Variants in DCC observed in about 807,000 individuals in gnomAD.
The protein encoded by DCC is netrin receptor DCC.
In DCC, 58 loss-of-function variants were observed where a neutral mutation model predicts 172.5. The ratio of observed to expected loss-of-function variants is 0.34; its 90% CI spans 0.27 to 0.42. DCC has a LOEUF of 0.42. Among genes scored for constraint, DCC ranks in the 10% least tolerant of loss-of-function variants. DCC has a pLI of 1.00. For synonymous variants in DCC, 709 were observed against 644.5 expected, an observed-to-expected ratio of 1.10 and a Z score of -1.52; for missense variants, 1,740 against 1,791.0, an observed-to-expected ratio of 0.97 and a Z score of 0.51.
At chr18:52,694,579 C>A (rs1309019458) in intron 1 of DCC, among the ~76,000 whole-genome samples, 1 of 151,282 alleles carries the variant, frequency 6.6e-6, no homozygotes, top group African/African-American at 2.5e-5. Flanking sequence ...TAAAATGCTT[C>A]TTTTTACATA....
intron 5 of DCC, among the ~76,000 whole-genome samples, chr18:53,044,905 G>C (rs2042215892): frequency 1.3e-5 from 2 of 151,766 alleles, no homozygotes; most frequent in Non-Finnish European, 2.9e-5. Flanking sequence ...ATAGAATATA[G>C]ATGTTTATAG....
intron 2 of DCC, among the ~76,000 whole-genome samples, chr18:52,876,585 G>A (rs1354508517): frequency 6.6e-6 from 1 of 152,184 alleles, no homozygotes; most frequent in East Asian, 1.9e-4. Flanking sequence ...CATATTATGG[G>A]CCCATAATGT....
chr18:52,584,649 C>T (rs779657729), intron 1 of DCC, among the ~76,000 whole-genome samples: 3 of 152,152 alleles, frequency 2.0e-5, no homozygotes, highest in Non-Finnish European at 2.9e-5. Flanking sequence ...GATACATCTG[C>T]CTCAGCCTCC....
rs142308537 is a variant in DCC at position 52,576,601 on chromosome 18, G to A, written c.92-175453G>A. ...TCCCAGCAGTTTGGGAGGCCGAGGC[G>A]TGTGGATCACGAGGTCAGGAGATCG... On this transcript the variant is annotated intron_variant, in intron 1 of 28. Transcript: ENST00000442544. Among the ~76,000 whole-genome samples, 569 of 152,196 alleles carry A rather than the reference G, an allele frequency of 3.7e-3. 6 individuals are homozygous for A. Among genetic ancestry groups the A allele is most frequent in the African/African-American group, 0.013 (549 of 41,528 alleles).
At chr18:52,888,034 TGA>T (rs1437619048) in intron 2 of DCC, among the ~76,000 whole-genome samples, 1 of 152,222 alleles carries the variant, frequency 6.6e-6, no homozygotes, top group African/African-American at 2.4e-5. Flanking sequence ...ATAAATGAAG[TGA>T]GTCTCTTTAT....
intron 1 of DCC, among the ~76,000 whole-genome samples, chr18:52,733,019 CCT>C (rs768819898): frequency 3.6e-4 from 55 of 152,148 alleles, no homozygotes; most frequent in Middle Eastern, 3.4e-3. Context: ...GTAAATGTCC[CCT>C]GTTTGTAGCT....
At chr18:52,812,195 G>A (rs1042640258) in intron 2 of DCC, among the ~76,000 whole-genome samples, 4 of 152,088 alleles carry the variant, frequency 2.6e-5, no homozygotes, top group African/African-American at 9.7e-5. Context: ...ACAAAATATA[G>A]CATTTATAAT....
At chr18:52,449,220 A>G (rs548046951) in intron 1 of DCC, among the ~76,000 whole-genome samples, 1 of 152,348 alleles carries the variant, frequency 6.6e-6, no homozygotes, top group South Asian at 2.1e-4. Flanking sequence ...CCATGATTCA[A>G]TTACCTCCCA....
intron 1 of DCC, among the ~76,000 whole-genome samples, chr18:52,524,773 G>T (rs1377524658): frequency 6.6e-6 from 1 of 152,130 alleles, no homozygotes; most frequent in Non-Finnish European, 1.5e-5. Flanking sequence ...GGTGGTGGGA[G>T]AGGTAGGAAA....
intron 1 of DCC, among the ~76,000 whole-genome samples, chr18:52,546,871 A>C (rs1438501928): frequency 6.6e-6 from 1 of 152,078 alleles, no homozygotes; most frequent in Non-Finnish European, 1.5e-5. Context: ...AAGAAAGCCA[A>C]AGAAAAATTG....
At chr18:52,835,477 A>G (rs187668854) in intron 2 of DCC, among the ~76,000 whole-genome samples, 151 of 152,290 alleles carry the variant, frequency 9.9e-4, no homozygotes, top group Non-Finnish European at 1.0e-3. Flanking sequence ...CACTGCATTG[A>G]AAATGTTGAA....
At chr18:52,946,732 G>A (rs1229815128) in intron 5 of DCC, among the ~76,000 whole-genome samples, 1 of 152,108 alleles carries the variant, frequency 6.6e-6, no homozygotes, top group Admixed American at 6.5e-5. Flanking sequence ...GTCCAGGGGT[G>A]GAAAGTAACT....
intron 1 of DCC, among the ~76,000 whole-genome samples, chr18:52,716,227 T>C (rs1171122769): frequency 1.3e-5 from 2 of 152,240 alleles, no homozygotes; most frequent in African/African-American, 2.4e-5. Context: ...CTCTTTTCTT[T>C]CCTTCTTTGC....
At chr18:52,416,905 T>G (rs1465407064) in intron 1 of DCC, among the ~76,000 whole-genome samples, 1 of 151,958 alleles carries the variant, frequency 6.6e-6, no homozygotes, top group Non-Finnish European at 1.5e-5. Flanking sequence ...GTGAATTTGA[T>G]CCTGTCATTA....
Position 53,256,358 on chromosome 18 carries a change from G to A in DCC, c.1911+40761G>A, listed in dbSNP as rs139314868. Reference sequence around the variant, plus strand: ...TTTATGGTTTTAGGTCTAACATGTAGGTCTTTAATCCATCTTGAATTAATT... The same window carrying A: ...TTTATGGTTTTAGGTCTAACATGTAAGTCTTTAATCCATCTTGAATTAATT... On this transcript the variant is annotated intron_variant, in intron 12 of 28. Coordinates refer to ENST00000442544, the MANE Select transcript of DCC (RefSeq NM_005215.4). 6.7e-3 allele frequency among the ~76,000 whole-genome samples: 1,018 copies of A among 152,074 alleles called. 12 individuals are homozygous for A. Among genetic ancestry groups the A allele is most frequent in the East Asian group, 0.057 (295 of 5,152 alleles).
intron 7 of DCC, among the ~76,000 whole-genome samples, chr18:53,096,387 G>A (rs1292046031): frequency 1.3e-5 from 2 of 152,046 alleles, no homozygotes; most frequent in African/African-American, 4.8e-5. Context: ...GTAAAAATAA[G>A]AAGTGTAACT....
intron 1 of DCC, among the ~76,000 whole-genome samples, chr18:52,693,812 T>C (rs1017665818): frequency 6.6e-6 from 1 of 151,950 alleles, no homozygotes; most frequent in Non-Finnish European, 1.5e-5. Flanking sequence ...AGCAACAAAA[T>C]AGGATGGGAT....
At chr18:52,575,464 T>C (rs1286147234) in intron 1 of DCC, among the ~76,000 whole-genome samples, 3 of 152,178 alleles carry the variant, frequency 2.0e-5, no homozygotes. Context: ...AATGTTCTAT[T>C]TTGTACCCAA....
intron 16 of DCC, among the ~76,000 whole-genome samples, chr18:53,388,274 C>T (rs753369435): frequency 6.6e-5 from 10 of 151,020 alleles, no homozygotes; most frequent in Non-Finnish European, 1.2e-4. Flanking sequence ...TTTGCTTCCA[C>T]ATGTCATGGA....
Sources: allele counts gnomAD v4.1 joint callset (sites outside exome capture counted in the v4.1 genomes callset), GRCh38; gene constraint gnomAD v4.1.1; transcripts MANE v1.5; gene names NCBI Gene and HGNC (gene_info 2026-07-23, HGNC 2026-07-21).